The following HERC2 variants were observed in gnomAD, a reference collection of about 807,000 sequenced individuals.
HERC2 encodes E3 ubiquitin-protein ligase HERC2.
A neutral mutation model predicts 537.7 loss-of-function variants in HERC2; 102 were observed. The ratio of observed to expected loss-of-function variants is 0.19; its 90% confidence interval spans 0.16 to 0.22. The LOEUF (loss-of-function observed/expected upper bound fraction) is 0.22. Among genes scored for constraint, HERC2 ranks in the 10% least tolerant of loss-of-function variants. HERC2 has a pLI of 1.00. For synonymous variants in HERC2, 2,224 were observed against 2,466.2 expected, an observed-to-expected ratio of 0.90 and a Z score of 2.91; for missense variants, 4,236 against 6,198.2, an observed-to-expected ratio of 0.68 and a Z score of 10.63.
intron 69 of HERC2, among the ~76,000 whole-genome samples, chr15:28,160,900 A>G (rs1949749513): frequency 6.6e-6 from 1 of 152,222 alleles, no homozygotes; most frequent in Admixed American, 6.5e-5. Context: ...ATTATTTTAA[A>G]TCAAAGTTCT....
chr15:28,194,569 C>T (rs1215507282), intron 52 of HERC2, among the ~76,000 whole-genome samples: 4 of 151,448 alleles, frequency 2.6e-5, no homozygotes, highest in African/African-American at 9.7e-5. Flanking sequence ...GAGACTCCGT[C>T]TCAAAAAAAA....
At chr15:28,139,115 C>T (rs6497282) in intron 78 of HERC2, among the ~76,000 whole-genome samples, 135,405 of 152,264 alleles carry the variant, frequency 0.89, 61,964 homozygotes, top group Non-Finnish European at 0.99. Context: ...ACATGCTTTG[C>T]GAAGACACTT....
intron 70 of HERC2, among the ~76,000 whole-genome samples, chr15:28,148,371 A>C (rs542132331): frequency 6.6e-6 from 1 of 152,312 alleles, no homozygotes; most frequent in South Asian, 2.1e-4. Context: ...ACAGAGGTAG[A>C]AAGTACTTGA....
intron 52 of HERC2, among the ~76,000 whole-genome samples, chr15:28,193,760 T>C (rs537775672): frequency 6.6e-6 from 1 of 152,138 alleles, no homozygotes; most frequent in African/African-American, 2.4e-5. Flanking sequence ...AGAAATAATA[T>C]AAACCAAATT....
intron 70 of HERC2, among the ~76,000 whole-genome samples, chr15:28,149,316 A>AAAATGGCCACAC (rs1338806715): frequency 1.3e-5 from 2 of 151,848 alleles, no homozygotes; most frequent in Non-Finnish European, 1.5e-5. Context: ...AACATCACCG[A>AAAATGGCCACAC]AAATGGCCAC....
chr15:28,165,227 G>A (rs1894006387), intron 68 of HERC2, among the ~76,000 whole-genome samples: 1 of 152,192 alleles, frequency 6.6e-6, no homozygotes, highest in Admixed American at 6.5e-5. Context: ...GGACCATGGA[G>A]GCAGACTGGT....
At chr15:28,283,453 CAAA>C (rs1194731791) in intron 4 of HERC2, among the ~76,000 whole-genome samples, 6 of 152,098 alleles carry the variant, frequency 3.9e-5, no homozygotes, top group African/African-American at 1.4e-4. Flanking sequence ...TTATATCCAG[CAAA>C]AATGTCCTTC....
intron 23 of HERC2, among the ~76,000 whole-genome samples, chr15:28,240,557 A>G (rs1367147536): frequency 6.6e-6 from 1 of 152,270 alleles, no homozygotes; most frequent in African/African-American, 2.4e-5. Context: ...TATCTATGTT[A>G]GAAAATTTTC....
chr15:28,165,625 T>TG (rs1361807966), intron 68 of HERC2, among the ~76,000 whole-genome samples: 1 of 148,450 alleles, frequency 6.7e-6, no homozygotes, highest in Non-Finnish European at 1.5e-5. Context: ...AACCTATCTC[T>TG]GAAAAAAAAA....
At chr15:28,137,549 T>C (rs1890778971) in intron 78 of HERC2, among the ~76,000 whole-genome samples, 1 of 152,242 alleles carries the variant, frequency 6.6e-6, no homozygotes, top group African/African-American at 2.4e-5. Flanking sequence ...TGATCTGTGA[T>C]CAGTAATGTT....
intron 52 of HERC2, among the ~76,000 whole-genome samples, chr15:28,195,454 C>G (rs532139350): frequency 1.3e-5 from 2 of 152,220 alleles, no homozygotes; most frequent in African/African-American, 4.8e-5. Context: ...GACTGAGACT[C>G]TGTCTCACAA....
rs114972391 is a variant in HERC2 at position 28,283,857 on chromosome 15, C to A, written c.323-3570G>T. ...CACCAGGTACAATCTGATAAGTGTT[C>A]ATATATACACAGGTTGAGTGTCCCT... On this transcript the variant is annotated intron_variant, in intron 4 of 92. Coordinates refer to ENST00000261609, the MANE Select transcript of HERC2 (RefSeq NM_004667.6). Among the ~76,000 whole-genome samples, 541 of 152,214 alleles carry A rather than the reference C, an allele frequency of 3.6e-3. 6 individuals carry two copies. The highest frequency in any genetic ancestry group is 0.012 in the African/African-American group (515 of 41,546).
In HERC2 at chr15:28,141,485, C is replaced by G; in HGVS notation, c.11962G>C (p.Val3988Leu). Residue 3988 changes from valine (V) to leucine (L), a missense_variant, in exon 78 of 93, where the codon GTG becomes CTG. Around this residue, in one of 27 missense-constraint regions of HERC2, gnomAD observed 156 missense variants for 172.3 expected, o/e 0.91. Coordinates refer to ENST00000261609, the MANE Select transcript of HERC2 (RefSeq NM_004667.6). ...PCEALATLRP[V>L]QLIGGEQTLF... ...GTCTGTTCCCCTCCGATTAACTGCACGGGTCTGAGAGTTGCAAGGGCTTCA... is the reference window on the plus strand; with the variant it reads ...GTCTGTTCCCCTCCGATTAACTGCAGGGGTCTGAGAGTTGCAAGGGCTTCA... 1.2e-6 allele frequency: 2 copies of G among 1,614,124 alleles called. No individual in the cohort carries two copies. The highest frequency in any genetic ancestry group is 1.7e-6 in the Non-Finnish European group (2 of 1,180,018).
chr15:28,245,331 G>A (rs967615646), intron 23 of HERC2, among the ~76,000 whole-genome samples: 2 of 151,946 alleles, frequency 1.3e-5, no homozygotes, highest in African/African-American at 4.8e-5. Context: ...TGGATCACTT[G>A]AGGTCAGGAG....
intron 89 of HERC2, 112 bp from the exon 90 acceptor site, chr15:28,114,914 C>T: frequency 2.5e-6 from 2 of 812,934 alleles, no homozygotes; most frequent in Non-Finnish European, 4.0e-6. Flanking sequence ...GCCTCAAGTG[C>T]ATCTCGAGGC....
At chr15:28,130,662 G>C in intron 81 of HERC2, 68 bp from the exon 82 acceptor site, 1 of 1,045,284 alleles carries the variant, frequency 9.6e-7, no homozygotes, top group African/African-American at 1.6e-5. Context: ...TAACCACACT[G>C]AGATTTAACT....
At chr15:28,312,058 A>G (rs1440813408) in intron 2 of HERC2, among the ~76,000 whole-genome samples, 4 of 152,390 alleles carry the variant, frequency 2.6e-5, no homozygotes, top group South Asian at 4.1e-4. Context: ...GAAGGTAGAC[A>G]CTGGACTCCT....
At position 28,265,794 on chromosome 15, in the gene HERC2, C is replaced by T. The variant is rs756002942; in HGVS notation, c.1756+23G>A. 2 of 1,613,948 alleles carry T rather than the reference C, an allele frequency of 1.2e-6. No individual in the cohort carries two copies. Among genetic ancestry groups the T allele is most frequent in the Admixed American group, 3.3e-5 (2 of 60,032 alleles). On this transcript the variant is annotated intron_variant, in intron 13 of 92. Coordinates refer to ENST00000261609, the MANE Select transcript of HERC2 (RefSeq NM_004667.6). The surrounding 1 kb of genome is among the most constrained non-coding windows in gnomAD (Gnocchi z 4.0). ...AGAGGCCACCTCCTGCTGCATGCTC[C>T]CACTCATGCAGAGCAGACGTACCAT...
At position 28,217,686 on chromosome 15, in the gene HERC2, G is replaced by A. The variant is rs554979300; in HGVS notation, c.6028+803C>T. 3.3e-5 allele frequency among the ~76,000 whole-genome samples: 5 copies of A among 152,292 alleles called. No individual in the cohort carries two copies. The East Asian group carries it at 9.6e-4, about 29-fold the overall frequency. On this transcript the variant is annotated intron_variant, in intron 38 of 92. Coordinates refer to ENST00000261609, the MANE Select transcript of HERC2 (RefSeq NM_004667.6). ...CTTATTTAATGAGGTCTCTGTAGAC[G>A]TCATTAAGGTAAGAATTTAGGTGAC...
Sources: gnomAD v4.1 joint callset for allele counts (sites outside exome capture counted in the v4.1 genomes callset) on GRCh38, gnomAD v4.1.1 for gene constraint, gnomAD v4.1.1 regional missense constraint, Gnocchi (gnomAD v3.1) non-coding constraint, MANE v1.5 for transcripts, NCBI Gene and HGNC (gene_info 2026-07-23, HGNC 2026-07-21) for gene names.